PDE4D: variants seen among roughly 807,000 people sequenced by gnomAD.
PDE4D encodes 3',5'-cyclic-AMP phosphodiesterase 4D.
Under a neutral mutation model 87.4 loss-of-function variants are expected in PDE4D, and 24 were observed. The ratio of observed to expected loss-of-function variants is 0.27; its 90% CI spans 0.20 to 0.39. The LOEUF (loss-of-function observed/expected upper bound fraction) is 0.39. PDE4D is among the 10% of genes least tolerant of loss of function. PDE4D has a pLI of 1.00. For missense variants in PDE4D, 714 were observed against 1,041.0 expected, an observed-to-expected ratio of 0.69 and a Z score of 4.32; for synonymous variants, 384 against 383.2, an observed-to-expected ratio of 1.00 and a Z score of -0.02.
At chr5:59,414,667 A>ACT (rs1260034825) in intron 1 of PDE4D, among the ~76,000 whole-genome samples, 2 of 152,256 alleles carry the variant, frequency 1.3e-5, no homozygotes, top group Non-Finnish European at 2.9e-5. Flanking sequence ...AGAAAATGAG[A>ACT]AACTGTCAAG....
intron 1 of PDE4D, among the ~76,000 whole-genome samples, chr5:59,267,349 TG>T (rs1322051456): frequency 1.3e-5 from 2 of 152,112 alleles, no homozygotes; most frequent in Non-Finnish European, 2.9e-5. Context: ...TATTATTTTC[TG>T]TATTCCATAT....
chr5:60,342,985 T>G (rs927616419), intron 1 of PDE4D, among the ~76,000 whole-genome samples: 9 of 152,230 alleles, frequency 5.9e-5, no homozygotes, highest in African/African-American at 1.9e-4. Flanking sequence ...TTTATTAATT[T>G]TAATGCCATG....
At chr5:59,892,571 C>G (rs1258051961) in intron 1 of PDE4D, among the ~76,000 whole-genome samples, 6 of 151,966 alleles carry the variant, frequency 3.9e-5, no homozygotes, top group Non-Finnish European at 1.5e-5. Context: ...CCCACGTGTT[C>G]TCCCCTTTTG....
intron 1 of PDE4D, among the ~76,000 whole-genome samples, chr5:59,387,231 T>C (rs1371389131): frequency 6.6e-6 from 1 of 152,218 alleles, no homozygotes; most frequent in Non-Finnish European, 1.5e-5. Flanking sequence ...ATCTCCTTCC[T>C]GGATATTTAC....
At chr5:59,524,722 A>C (rs1185488557) in intron 1 of PDE4D, among the ~76,000 whole-genome samples, 1 of 152,074 alleles carries the variant, frequency 6.6e-6, no homozygotes, top group Non-Finnish European at 1.5e-5. Context: ...GAAAGACTTT[A>C]TTTTGTGGGG....
In PDE4D at chr5:60,009,600, T is replaced by A. The variant is rs75905147; in HGVS notation, c.43-20883A>T. ...GTAGATAGAATGTGTTAAAATCAGA[T>A]CAAGTTAGAAAAATTTTTTAAAGTT... On this transcript the variant is annotated intron_variant, in intron 2 of 16. Coordinates refer to the PDE4D transcript ENST00000502484. 3.9e-3 allele frequency among the ~76,000 whole-genome samples: 597 copies of A among 152,128 alleles called. 2 individuals are homozygous for A. The highest frequency in any genetic ancestry group is 6.2e-3 in the Non-Finnish European group (423 of 67,930).
chr5:60,398,470 G>A (rs747669396), intron 1 of PDE4D, among the ~76,000 whole-genome samples: 1 of 152,150 alleles, frequency 6.6e-6, no homozygotes, highest in African/African-American at 2.4e-5. Context: ...AACATCAGGA[G>A]TAGCCCAGCT....
At chr5:59,953,536 C>CT (rs1393523135) in intron 3 of PDE4D, among the ~76,000 whole-genome samples, 11 of 152,102 alleles carry the variant, frequency 7.2e-5, no homozygotes, top group Non-Finnish European at 7.3e-5. Flanking sequence ...CAGAAAAGCA[C>CT]TCCTAATGCC....
Position 59,893,583 on chromosome 5 carries a change from TGCCCGCCCGG to T in PDE4D, c.30_39del (p.Arg11AlafsTer123). 1 of 1,524,110 alleles carries T rather than the reference TGCCCGCCCGG, an allele frequency of 6.6e-7. No individual in the cohort carries two copies. Among genetic ancestry groups the T allele is most frequent in the Non-Finnish European group, 8.8e-7 (1 of 1,136,304 alleles). The allele number at this position is 1,524,110 out of a possible 1,614,324, so 94.4% of individuals were successfully genotyped here. A position where few individuals can be genotyped will look rare whatever the true frequency, so the allele number is the denominator to read the frequency against. On this transcript the variant is annotated frameshift_variant, in exon 1 of 15. Transcript: ENST00000340635. LOFTEE classifies it high-confidence loss of function. ...CCGGCGCTGTCGCTGCCCTCTCCGC[TGCCCGCCCGG>T]GCCGGCGCGCTGCTGCCCTCTGCCT...
intron 5 of PDE4D, among the ~76,000 whole-genome samples, chr5:59,097,916 A>C (rs888303571): frequency 6.6e-6 from 1 of 152,196 alleles, no homozygotes. Flanking sequence ...TAATCCTCAT[A>C]ATCACATTGC....
chr5:60,064,532 T>C (rs1262018164), intron 2 of PDE4D, among the ~76,000 whole-genome samples: 3 of 152,128 alleles, frequency 2.0e-5, no homozygotes, highest in Admixed American at 6.6e-5. Flanking sequence ...GCAATCTTCT[T>C]ATTTTGCACC....
At chr5:59,205,653 AACAC>A (rs35509503) in intron 2 of PDE4D, among the ~76,000 whole-genome samples, 7,433 of 136,316 alleles carry the variant, frequency 0.055, 210 homozygotes, top group Middle Eastern at 0.066. Context: ...CCACTAGCTA[AACAC>A]ACACACACAC....
intron 1 of PDE4D, among the ~76,000 whole-genome samples, chr5:59,606,286 A>G (rs549363900): frequency 1.1e-4 from 16 of 152,262 alleles, no homozygotes; most frequent in African/African-American, 3.8e-4. Flanking sequence ...AAAGAAACTA[A>G]TCAGCTTTCT....
chr5:60,470,909 G>A (rs569888848), intron 1 of PDE4D, among the ~76,000 whole-genome samples: 1 of 152,242 alleles, frequency 6.6e-6, no homozygotes, highest in South Asian at 2.1e-4. Flanking sequence ...TATTCATTCT[G>A]CAGTTCATAG....
At chr5:60,231,255 G>A (rs1343965456) in intron 1 of PDE4D, among the ~76,000 whole-genome samples, 1 of 151,924 alleles carries the variant, frequency 6.6e-6, no homozygotes, top group Non-Finnish European at 1.5e-5. Flanking sequence ...ATAGTGATTA[G>A]TTCAATTGGG....
intron 1 of PDE4D, among the ~76,000 whole-genome samples, chr5:59,804,080 G>T (rs1405871489): frequency 6.6e-6 from 1 of 151,762 alleles, no homozygotes; most frequent in African/African-American, 2.4e-5. Context: ...TTGTTTACTT[G>T]GACACATTCA....
intron 1 of PDE4D, among the ~76,000 whole-genome samples, chr5:59,261,224 A>G (rs1761954468): frequency 6.6e-6 from 1 of 151,846 alleles, no homozygotes; most frequent in African/African-American, 2.4e-5. Flanking sequence ...CATAAATGCC[A>G]TTTCCTTCTG....
chr5:59,559,842 G>T (rs1273711799), intron 1 of PDE4D, among the ~76,000 whole-genome samples: 5 of 152,174 alleles, frequency 3.3e-5, no homozygotes, highest in African/African-American at 1.2e-4. Context: ...ATTCTTTAAG[G>T]GCTAAGTACG....
chr5:59,039,048 C>A, intron 5 of PDE4D, 77 bp from the exon 6 acceptor site: 1 of 1,520,252 alleles, frequency 6.6e-7, no homozygotes. Context: ...AGGGGGCCAT[C>A]CTGCCATACC....
Sources: gnomAD v4.1 joint callset for allele counts (sites outside exome capture counted in the v4.1 genomes callset) on GRCh38, gnomAD v4.1.1 for gene constraint, MANE v1.5 for transcripts, NCBI Gene and HGNC (gene_info 2026-07-23, HGNC 2026-07-21) for gene names.